BICRA: variants seen among roughly 807,000 people sequenced by gnomAD.
BICRA encodes BRD4 interacting chromatin remodeling complex associated protein, also known as BRD4-interacting chromatin-remodeling complex-associated protein.
A neutral mutation model predicts 96.9 loss-of-function variants in BICRA; 31 were observed. That is an observed-to-expected ratio of 0.32 (90% CI 0.24 to 0.43). BICRA has a LOEUF of 0.43. BICRA is among the 20% of genes least tolerant of loss of function. The probability of loss-of-function intolerance (pLI) is 1.00; values close to 1 mark genes in which losing one functional copy is unlikely to be tolerated. For synonymous variants in BICRA, 1,350 were observed against 1,071.8 expected, an observed-to-expected ratio of 1.26 and a Z score of -5.07; for missense variants, 2,283 against 2,190.3, an observed-to-expected ratio of 1.04 and a Z score of -0.84.
chr19:47,666,255 C>T (rs958575735), intron 1 of BICRA, among the ~76,000 whole-genome samples: 12 of 151,824 alleles, frequency 7.9e-5, no homozygotes, highest in African/African-American at 2.7e-4. Context: ...GGCAGTAACC[C>T]CAGCCCCTCG....
chr19:47,642,324 T>TG (rs534637879), intron 1 of BICRA, among the ~76,000 whole-genome samples: 4 of 152,226 alleles, frequency 2.6e-5, no homozygotes, highest in Non-Finnish European at 5.9e-5. Context: ...AGTCTTTGTG[T>TG]GGACCTATGC....
intron 1 of BICRA, among the ~76,000 whole-genome samples, chr19:47,653,301 G>T (rs978440267): frequency 6.6e-5 from 10 of 150,754 alleles, no homozygotes; most frequent in African/African-American, 2.4e-4. Flanking sequence ...GGGATTATAG[G>T]CATGAGCCAC....
intron 1 of BICRA, among the ~76,000 whole-genome samples, chr19:47,612,303 T>C (rs769671170): frequency 4.6e-5 from 7 of 151,720 alleles, no homozygotes; most frequent in Non-Finnish European, 1.0e-4. Context: ...TGGTCCTAGC[T>C]ACTTGGGGGT....
chr19:47,657,798 T>G (rs1002702273), intron 1 of BICRA, among the ~76,000 whole-genome samples: 1 of 152,286 alleles, frequency 6.6e-6, no homozygotes, highest in Admixed American at 6.5e-5. Context: ...TGGTATATAT[T>G]TAACTTTACT....
chr19:47,684,027 T>A (rs1359291982), intron 7 of BICRA, among the ~76,000 whole-genome samples: 2 of 152,204 alleles, frequency 1.3e-5, no homozygotes, highest in African/African-American at 4.8e-5. Flanking sequence ...TGGTTTCACT[T>A]GCACGCTCTC....
At chr19:47,613,589 C>A (rs903121519) in intron 1 of BICRA, among the ~76,000 whole-genome samples, 1 of 152,156 alleles carries the variant, frequency 6.6e-6, no homozygotes, top group African/African-American at 2.4e-5. Context: ...CCTGCTCCCC[C>A]AGCAGAAGAA....
At chr19:47,627,410 G>A (rs1972157388) in intron 1 of BICRA, among the ~76,000 whole-genome samples, 1 of 152,118 alleles carries the variant, frequency 6.6e-6, no homozygotes, top group African/African-American at 2.4e-5. Flanking sequence ...GACATTCATA[G>A]GTCAACGGAA....
chr19:47,639,713 C>T (rs764227554), intron 1 of BICRA, among the ~76,000 whole-genome samples: 6 of 145,204 alleles, frequency 4.1e-5, no homozygotes, highest in Non-Finnish European at 7.5e-5. Flanking sequence ...ACCATCATGA[C>T]TCATTGCAAC....
chr19:47,635,917 C>G (rs1972294732), intron 1 of BICRA, among the ~76,000 whole-genome samples: 1 of 152,250 alleles, frequency 6.6e-6, no homozygotes, highest in South Asian at 2.1e-4. Flanking sequence ...ATCTAAAAAT[C>G]CAAAATGCCC....
Position 47,698,810 on chromosome 19 carries a change from T to C in BICRA, c.3397+28T>C. 1 of 1,564,478 alleles carries C rather than the reference T, an allele frequency of 6.4e-7. No individual in the cohort carries two copies. Reference sequence around the variant, plus strand: ...GAGGCCTCCCCAGGACACGGCCCTATATGTCCCAGGGGACCCCAGCCCGTG... The same window carrying C: ...GAGGCCTCCCCAGGACACGGCCCTACATGTCCCAGGGGACCCCAGCCCGTG... On this transcript the variant is annotated intron_variant, in intron 12 of 14. Transcript: ENST00000594866. This position sits in a 1 kb window ranked among gnomAD's most constrained non-coding sequence, Gnocchi z 4.8.
At chr19:47,695,339 GTC>G (rs1163948166) in intron 9 of BICRA, 24 bp from the exon 10 acceptor site, 1 of 655,146 alleles carries the variant, frequency 1.5e-6, no homozygotes, top group African/African-American at 1.8e-5. Flanking sequence ...CGCAGGCCCT[GTC>G]TCCCCCACCC....
intron 2 of BICRA, among the ~76,000 whole-genome samples, chr19:47,671,120 A>G (rs1193797716): frequency 2.0e-5 from 3 of 152,180 alleles, no homozygotes; most frequent in African/African-American, 7.2e-5. Context: ...TTTGGCATGA[A>G]ACATGCGTGT....
In BICRA at chr19:47,610,445, TGTG is replaced by T. The variant is rs1293767604; in HGVS notation, c.-108+1280_-108+1282del. 7.9e-5 allele frequency among the ~76,000 whole-genome samples: 12 copies of T among 152,268 alleles called. No homozygotes were observed. In the East Asian group the frequency reaches 1.5e-3, roughly 20 times the overall value. On this transcript the variant is annotated intron_variant, in intron 1 of 14. Transcript: ENST00000594866. ...CTCTCCGCGCCCCTTTGTTTTGCTTTGTGGTTCTGAGCAGCTGAACTTCCCGGG... is the reference window on the plus strand; with the variant it reads ...CTCTCCGCGCCCCTTTGTTTTGCTTTGTTCTGAGCAGCTGAACTTCCCGGG...
rs1599875740 is a variant in BICRA, at chr19:47,701,973, C to T, written c.4241C>T (p.Pro1414Leu). The T allele has an allele frequency of 2.7e-6, 4 of 1,466,742 alleles. No individual in the cohort carries two copies. Among genetic ancestry groups the T allele is most frequent in the African/African-American group, 1.5e-5 (1 of 67,190 alleles). The allele number at this position is 1,466,742 out of a possible 1,614,324, so 90.9% of individuals were successfully genotyped here. Residue 1414 changes from proline to leucine, a missense_variant, in exon 15 of 15, where the codon CCG becomes CTG. Physicochemically the swap from Pro to Leu is moderately conservative, Grantham distance 98 (BLOSUM62 -3). Coordinates refer to ENST00000594866, the MANE Select transcript of BICRA (RefSeq NM_001394372.1). The surrounding 1 kb of genome is among the most constrained non-coding windows in gnomAD (Gnocchi z 5.4). Reference protein sequence around the residue: ...TPAGRARGGSPAPLPAKVDEA... With the variant: ...TPAGRARGGSLAPLPAKVDEA... The stretch of plus-strand genomic sequence containing the variant: ...GCAGGCAGGGCACGGGGAGGCAGCC[C>T]GGCGCCGCTGCCCGCCAAAGTGGAC...
intron 7 of BICRA, among the ~76,000 whole-genome samples, chr19:47,682,863 G>T (rs2123591777): frequency 6.6e-6 from 1 of 152,040 alleles, no homozygotes; most frequent in South Asian, 2.1e-4. Flanking sequence ...ATAGAGACGG[G>T]GTTTCACCAT....
At chr19:47,685,778 T>TGCGCGC (rs1297376745) in intron 7 of BICRA, among the ~76,000 whole-genome samples, 4 of 131,646 alleles carry the variant, frequency 3.0e-5, no homozygotes, top group East Asian at 2.9e-4. Context: ...TGTGTGTGTG[T>TGCGCGC]GTGTGTGTGC....
rs374376150 is a variant in BICRA, at chr19:47,694,577, C to T, written c.2746C>T (p.Pro916Ser). The change falls in exon 8 of 15, where the codon CCC becomes TCC. Residue 916 changes from proline to serine, a missense_variant. Physicochemically the swap from Pro to Ser is moderately conservative, Grantham distance 74 (BLOSUM62 -1). Coordinates refer to ENST00000594866, the MANE Select transcript of BICRA (RefSeq NM_001394372.1). ...GCTCCAGTTCCCACCCAGCCAGGGG[C>T]CCCACAAGTCCCCCACTCCCCCTCC... ...FQLQFPPSQG[P>S]HKSPTPPPTL... 5 of 1,600,642 alleles carry T rather than the reference C, an allele frequency of 3.1e-6. No homozygotes were observed. The highest frequency in any genetic ancestry group is 4.3e-6 in the Non-Finnish European group (5 of 1,169,088).
intron 1 of BICRA, among the ~76,000 whole-genome samples, chr19:47,613,922 TG>T: frequency 6.6e-6 from 1 of 151,700 alleles, no homozygotes; most frequent in East Asian, 2.0e-4. Flanking sequence ...ATGTATTCAT[TG>T]GGGGGAGGGG....
intron 1 of BICRA, among the ~76,000 whole-genome samples, chr19:47,632,212 CA>C (rs1972231080): frequency 6.6e-6 from 1 of 152,188 alleles, no homozygotes; most frequent in Non-Finnish European, 1.5e-5. Context: ...ATTGCTGAGG[CA>C]AAAGGGAGCG....
Sources: allele counts gnomAD v4.1 joint callset (sites outside exome capture counted in the v4.1 genomes callset), GRCh38; gene constraint gnomAD v4.1.1; non-coding constraint Gnocchi (gnomAD v3.1); transcripts MANE v1.5; gene names NCBI Gene and HGNC (gene_info 2026-07-23, HGNC 2026-07-21).